The following MTUS2 variants were observed in gnomAD, a reference collection of about 807,000 sequenced individuals.
MTUS2 encodes the protein microtubule associated scaffold protein 2.
In MTUS2, 40 loss-of-function variants were observed where a neutral mutation model predicts 114.1. The ratio of observed to expected loss-of-function variants is 0.35; its 90% CI spans 0.27 to 0.46. The LOEUF (loss-of-function observed/expected upper bound fraction) is 0.46. Among genes scored for constraint, MTUS2 ranks in the 20% least tolerant of loss-of-function variants. The probability of loss-of-function intolerance (pLI) is 1.00; values close to 1 mark genes in which losing one functional copy is unlikely to be tolerated. For missense variants in MTUS2, 1,679 were observed against 1,705.4 expected (o/e 0.98, Z 0.27); for synonymous variants, 688 against 672.0 (o/e 1.02, Z -0.37).
chr13:28,919,003 G>A (rs771399650), intron 2 of MTUS2, among the ~76,000 whole-genome samples: 1 of 151,888 alleles, frequency 6.6e-6, no homozygotes, highest in African/African-American at 2.4e-5. Flanking sequence ...TAAACTTTTT[G>A]TTGTTTCTCT....
intron 6 of MTUS2, among the ~76,000 whole-genome samples, chr13:29,309,965 A>T (rs574715897): frequency 6.6e-6 from 1 of 152,262 alleles, no homozygotes; most frequent in African/African-American, 2.4e-5. Flanking sequence ...ACAAAAAATT[A>T]TTGTTGACAG....
chr13:28,895,686 T>C (rs1295774617), intron 2 of MTUS2, among the ~76,000 whole-genome samples: 1 of 152,220 alleles, frequency 6.6e-6, no homozygotes, highest in Non-Finnish European at 1.5e-5. Context: ...TTGTTCATTG[T>C]ACACACATCT....
At chr13:29,462,047 T>C (rs1184497101) in intron 9 of MTUS2, among the ~76,000 whole-genome samples, 1 of 152,140 alleles carries the variant, frequency 6.6e-6, no homozygotes, top group African/African-American at 2.4e-5. Context: ...GCCCTGAGGC[T>C]CTTAAGCATC....
chr13:29,419,406 A>G (rs972709508), intron 8 of MTUS2, among the ~76,000 whole-genome samples: 1 of 152,092 alleles, frequency 6.6e-6, no homozygotes, highest in Non-Finnish European at 1.5e-5. Context: ...TACCATTGAT[A>G]CCACTGAAGG....
At chr13:29,070,962 C>T (rs1409311964) in intron 4 of MTUS2, among the ~76,000 whole-genome samples, 1 of 147,630 alleles carries the variant, frequency 6.8e-6, no homozygotes, top group Non-Finnish European at 1.5e-5. Flanking sequence ...AGAATGCCTT[C>T]TTGGCTTCTG....
At chr13:29,280,640 A>T (rs1484597876) in intron 5 of MTUS2, among the ~76,000 whole-genome samples, 1 of 152,204 alleles carries the variant, frequency 6.6e-6, no homozygotes, top group Non-Finnish European at 1.5e-5. Context: ...CAAAAAATTT[A>T]ATCCTTTACT....
chr13:29,346,432 A>C (rs569890115), intron 7 of MTUS2, among the ~76,000 whole-genome samples: 1 of 152,138 alleles, frequency 6.6e-6, no homozygotes, highest in Non-Finnish European at 1.5e-5. Context: ...TTATGTTCCC[A>C]GGGGGATTAT....
At chr13:29,129,749 G>T (rs1394151518) in intron 5 of MTUS2, among the ~76,000 whole-genome samples, 1 of 152,144 alleles carries the variant, frequency 6.6e-6, no homozygotes, top group Non-Finnish European at 1.5e-5. Flanking sequence ...CCTGTGCCCA[G>T]CATGCTGGTT....
chr13:29,227,162 G>A (rs965354260), intron 5 of MTUS2, among the ~76,000 whole-genome samples: 1 of 150,700 alleles, frequency 6.6e-6, no homozygotes, highest in Non-Finnish European at 1.5e-5. Context: ...GGGAGGCTGG[G>A]GTAGGAGAAT....
At chr13:28,855,138 C>T (rs1876540474) in intron 2 of MTUS2, among the ~76,000 whole-genome samples, 1 of 152,076 alleles carries the variant, frequency 6.6e-6, no homozygotes, top group Non-Finnish European at 1.5e-5. Flanking sequence ...GATAAATATA[C>T]CAGTTTTTAT....
chr13:29,190,389 C>CT (rs998272921), intron 5 of MTUS2, among the ~76,000 whole-genome samples: 1 of 152,172 alleles, frequency 6.6e-6, no homozygotes, highest in African/African-American at 2.4e-5. Context: ...CCTAAGACAC[C>CT]TGCCCACATT....
intron 2 of MTUS2, among the ~76,000 whole-genome samples, chr13:28,897,292 G>GA (rs1353500786): frequency 1.3e-5 from 2 of 152,128 alleles, no homozygotes; most frequent in Non-Finnish European, 2.9e-5. Flanking sequence ...AAAAACACAT[G>GA]AAAAAATGCT....
chr13:28,970,459 G>A (rs184368724), intron 2 of MTUS2, among the ~76,000 whole-genome samples: 5 of 152,282 alleles, frequency 3.3e-5, no homozygotes, highest in East Asian at 3.9e-4. Context: ...TCATTCATGC[G>A]TTGTCTCTGT....
chr13:29,311,228 A>G (rs929287426), intron 6 of MTUS2, among the ~76,000 whole-genome samples: 1 of 152,174 alleles, frequency 6.6e-6, no homozygotes, highest in Admixed American at 6.5e-5. Flanking sequence ...GCAAGACATG[A>G]TCACTACAGA....
At position 29,025,957 on chromosome 13, in the gene MTUS2, A is replaced by C; in HGVS notation, c.1259A>C (p.Glu420Ala). 1.2e-6 allele frequency: 2 copies of C among 1,614,022 alleles called. No homozygotes were observed. Among genetic ancestry groups the C allele is most frequent in the Non-Finnish European group, 8.5e-7 (1 of 1,179,894 alleles). The change falls in exon 3 of 16, where the codon GAG (glutamate) becomes GCG (alanine). Residue 420 changes from glutamate to alanine, a missense_variant. Physicochemically the swap from Glu to Ala is moderately radical, Grantham distance 107. Around this residue, in one of 3 missense-constraint regions of MTUS2, gnomAD observed 843 missense variants for 770.8 expected, o/e 1.09. Transcript: ENST00000612955. ...PTGKISPCAG[E>A]KLGERTSSSF... ...GGCAAAATTTCACCATGTGCAGGTG[A>C]GAAGTTGGGTGAAAGGACATCCAGC...
chr13:28,823,291 A>C (rs936525406), intron 1 of MTUS2, among the ~76,000 whole-genome samples: 4 of 152,238 alleles, frequency 2.6e-5, no homozygotes, highest in African/African-American at 9.6e-5. Flanking sequence ...GTTTGGAAGG[A>C]CTAGATGAGT....
intron 2 of MTUS2, among the ~76,000 whole-genome samples, chr13:28,865,941 T>C (rs1246617179): frequency 2.0e-5 from 3 of 152,248 alleles, no homozygotes; most frequent in African/African-American, 7.2e-5. Flanking sequence ...TCTGAGGCAG[T>C]TGGAGAAATC....
chr13:29,323,566 A>T (rs949008443), intron 6 of MTUS2, among the ~76,000 whole-genome samples: 7 of 152,302 alleles, frequency 4.6e-5, no homozygotes, highest in South Asian at 2.1e-4. Flanking sequence ...GGCTCTTTTT[A>T]AAAAAATCTG....
At chr13:29,283,709 T>A (rs560162095) in intron 6 of MTUS2, among the ~76,000 whole-genome samples, 1 of 152,308 alleles carries the variant, frequency 6.6e-6, no homozygotes, top group South Asian at 2.1e-4. Flanking sequence ...GTGGTGCCTC[T>A]AGACTAGGGA....
Sources: allele counts gnomAD v4.1 joint callset (sites outside exome capture counted in the v4.1 genomes callset), GRCh38; gene constraint gnomAD v4.1.1; regional missense constraint gnomAD v4.1.1; transcripts MANE v1.5; gene names NCBI Gene and HGNC (gene_info 2026-07-23, HGNC 2026-07-21).